Variants in CAMSAP1 observed in about 807,000 individuals in gnomAD.
CAMSAP1 encodes calmodulin-regulated spectrin-associated protein 1.
In CAMSAP1, 58 loss-of-function variants were observed where a neutral mutation model predicts 143.5. The ratio of observed to expected loss-of-function variants is 0.40; its 90% CI spans 0.33 to 0.50. CAMSAP1 has a LOEUF of 0.50. Among genes scored for constraint, CAMSAP1 ranks in the 20% least tolerant of loss-of-function variants. The probability of loss-of-function intolerance (pLI) is 0.45; values close to 1 mark genes in which losing one functional copy is unlikely to be tolerated. For synonymous variants in CAMSAP1, 945 were observed against 859.3 expected (o/e 1.10, Z -1.74); for missense variants, 1,969 against 2,115.7 (o/e 0.93, Z 1.36).
chr9:135,852,529 C>T (rs548900633), intron 5 of CAMSAP1, among the ~76,000 whole-genome samples: 2 of 152,264 alleles, frequency 1.3e-5, no homozygotes, highest in South Asian at 4.2e-4. Context: ...TGAGGTTTTA[C>T]GGCACTTTCC....
Position 135,811,042 on chromosome 9 carries a change from T to C in CAMSAP1, c.*267A>G, listed in dbSNP as rs1306755178. ...CGCTGGGAGCCTCAGTGGTCAGCAG[T>C]GGCCACAGCAGTGCGAGCCACTGCA... On this transcript the variant is annotated 3_prime_UTR_variant, in exon 17 of 17. Transcript: ENST00000389532. The surrounding 1 kb of genome is among the most constrained non-coding windows in gnomAD (Gnocchi z 4.9). The C allele has an allele frequency of 6.2e-6, 3 of 484,562 alleles. No individual in the cohort carries two copies. Among genetic ancestry groups the C allele is most frequent in the Non-Finnish European group, 1.1e-5 (3 of 269,600 alleles). 30.0% of individuals were successfully genotyped at this position (484,562 alleles called of 1,614,324 possible).
chr9:135,867,474 CCT>C (rs1491579565), intron 3 of CAMSAP1, among the ~76,000 whole-genome samples: 59 of 144,610 alleles, frequency 4.1e-4, no homozygotes, highest in Non-Finnish European at 7.7e-4. Context: ...GCAAGACCCC[CCT>C]CTTTTTTTTT....
intron 1 of CAMSAP1, among the ~76,000 whole-genome samples, chr9:135,903,795 T>G (rs1235804391): frequency 1.3e-5 from 2 of 152,204 alleles, no homozygotes; most frequent in Non-Finnish European, 2.9e-5. Context: ...AACTGAAAAC[T>G]AAGCTGGAGA....
chr9:135,821,872 A>G lies in CAMSAP1; in HGVS notation c.2789T>C (p.Leu930Pro). 1 of 1,613,980 alleles carries G rather than the reference A, an allele frequency of 6.2e-7. No individual in the cohort carries two copies. Reference sequence around the variant, plus strand: ...CTCCTTTGCAAAGTGCTCCGGCCTGAGGGGTGGGGCAGCCTCGGCCTTGCC... The same window carrying G: ...CTCCTTTGCAAAGTGCTCCGGCCTGGGGGGTGGGGCAGCCTCGGCCTTGCC... Reference protein sequence around the residue: ...KKGKAEAAPPLRPEHFAKEYS... With the variant: ...KKGKAEAAPPPRPEHFAKEYS... The change falls in exon 11 of 17, where the codon CTC becomes CCC. Residue 930 changes from leucine (L) to proline (P), a missense_variant. Transcript: ENST00000389532. This position sits in a 1 kb window ranked among gnomAD's most constrained non-coding sequence, Gnocchi z 4.6.
chr9:135,855,835 A>G (rs574183336), intron 5 of CAMSAP1, among the ~76,000 whole-genome samples: 196 of 151,652 alleles, frequency 1.3e-3, no homozygotes, highest in Non-Finnish European at 1.6e-3. Flanking sequence ...GGCGGATCAC[A>G]AGGTCAGGAG....
intron 14 of CAMSAP1, 78 bp downstream of exon 14, chr9:135,817,899 G>A (rs759913551): frequency 3.5e-5 from 38 of 1,091,538 alleles, no homozygotes; most frequent in Non-Finnish European, 5.2e-5. Context: ...CTCTCTCACC[G>A]TGTTTAATCA....
At chr9:135,846,936 T>C (rs550115347) in intron 7 of CAMSAP1, among the ~76,000 whole-genome samples, 165 of 151,462 alleles carry the variant, frequency 1.1e-3, no homozygotes, top group African/African-American at 3.9e-3. Context: ...CTGGTGGGAG[T>C]GTTAATTAGT....
chr9:135,822,267 T>C lies in CAMSAP1; in HGVS notation c.2394A>G (p.Thr798=). The C allele has an allele frequency of 6.2e-7, 1 of 1,614,000 alleles. No individual in the cohort carries two copies. Among genetic ancestry groups the C allele is most frequent in the Non-Finnish European group, 8.5e-7 (1 of 1,179,892 alleles). ...TGGAGACACTGCTCATCTGAGAGGC[T>C]GTGCTCAGGCAGGGGCTCGAGCGGC... The part of the protein sequence containing the change: ...ASGRSSPCLS[T]ASQMSSVSMA... Residue 798 remains threonine, a synonymous_variant, in exon 11 of 17, where the codon ACA becomes ACG. Coordinates refer to ENST00000389532, the MANE Select transcript of CAMSAP1 (RefSeq NM_015447.4). The surrounding 1 kb of genome is among the most constrained non-coding windows in gnomAD (Gnocchi z 6.1).
At chr9:135,840,589 G>A (rs1039004031) in intron 7 of CAMSAP1, among the ~76,000 whole-genome samples, 2 of 152,184 alleles carry the variant, frequency 1.3e-5, no homozygotes, top group African/African-American at 4.8e-5. Flanking sequence ...TGGCTGGCAA[G>A]ATCAAACAGC....
At chr9:135,816,767 T>C (rs1382632288) in intron 14 of CAMSAP1, among the ~76,000 whole-genome samples, 2 of 151,848 alleles carry the variant, frequency 1.3e-5, no homozygotes, top group Admixed American at 6.6e-5. Context: ...CATATAAAAA[T>C]AAAGGGACAC....
chr9:135,811,204 T>G lies in CAMSAP1; in HGVS notation c.*105A>C, dbSNP rs185746692. On this transcript the variant is annotated 3_prime_UTR_variant, in exon 17 of 17. Coordinates refer to ENST00000389532, the MANE Select transcript of CAMSAP1 (RefSeq NM_015447.4). The surrounding 1 kb of genome is among the most constrained non-coding windows in gnomAD (Gnocchi z 4.9). Reference sequence around the variant, plus strand: ...TGACTTTGCACACTTCGTACCCAAATAGATGAAAACAATAAATAAGGACCC... The same window carrying G: ...TGACTTTGCACACTTCGTACCCAAAGAGATGAAAACAATAAATAAGGACCC... The G allele has an allele frequency of 3.1e-5, 41 of 1,303,626 alleles. No homozygotes were observed. The highest frequency in any genetic ancestry group is 4.0e-5 in the Non-Finnish European group (38 of 957,506). The allele number at this position is 1,303,626 out of a possible 1,614,324, so 80.8% of individuals were successfully genotyped here. A position where few individuals can be genotyped will look rare whatever the true frequency, so the allele number is the denominator to read the frequency against.
chr9:135,883,145 G>T, intron 1 of CAMSAP1, 67 bp from the exon 2 acceptor site: 2 of 1,512,844 alleles, frequency 1.3e-6, no homozygotes, highest in Non-Finnish European at 1.8e-6. Context: ...GTTCAAGGCT[G>T]CAGTGAACTA....
chr9:135,870,193 C>G (rs895775241), intron 3 of CAMSAP1, among the ~76,000 whole-genome samples: 1 of 152,110 alleles, frequency 6.6e-6, no homozygotes, highest in African/African-American at 2.4e-5. Flanking sequence ...GAGGGAGGGA[C>G]GAGGTGGGAG....
chr9:135,882,915 C>A lies in CAMSAP1; in HGVS notation c.324G>T (p.Gln108His). ...TCCGGGACAGGGCCTGGATGACAGA[C>A]TGGTGTCCCTGTAAGGCGGCCACCT... ...GDQVAALQGH[Q>H]SVIQALSRKG... Residue 108 changes from glutamine (Q) to histidine (H), a missense_variant, in exon 2 of 17, where the codon CAG (glutamine) becomes CAT (histidine). By Grantham distance (24) the Gln-to-His change is conservative. Around this residue, in one of 4 missense-constraint regions of CAMSAP1, gnomAD observed 215 missense variants for 196.2 expected, o/e 1.10. Coordinates refer to ENST00000389532, the MANE Select transcript of CAMSAP1 (RefSeq NM_015447.4). The surrounding 1 kb of genome is among the most constrained non-coding windows in gnomAD (Gnocchi z 4.9). The A allele has an allele frequency of 6.4e-7, 1 of 1,551,732 alleles. No individual in the cohort carries two copies. The highest frequency in any genetic ancestry group is 8.7e-7 in the Non-Finnish European group (1 of 1,147,006).
intron 7 of CAMSAP1, among the ~76,000 whole-genome samples, chr9:135,829,887 A>ATAAATAAATAAC (rs1554790073): frequency 2.7e-5 from 4 of 149,538 alleles, no homozygotes; most frequent in African/African-American, 4.9e-5. Flanking sequence ...AAATAAATAA[A>ATAAATAAATAAC]TAACAATAAG....
rs551331274 is a variant in CAMSAP1 at position 135,886,876 on chromosome 9, A to G, written c.161-3798T>C. 3.3e-5 allele frequency among the ~76,000 whole-genome samples: 5 copies of G among 152,328 alleles called. No individual in the cohort carries two copies. In the East Asian group the frequency reaches 9.7e-4, roughly 29 times the overall value. ...CCTGTGCCTGATGCAGTACGACAAA[A>G]ACACCAAACTTATAATTCCTGCCAG... is the stretch of plus-strand genomic sequence containing the variant. On this transcript the variant is annotated intron_variant, in intron 1 of 16. Coordinates refer to ENST00000389532, the MANE Select transcript of CAMSAP1 (RefSeq NM_015447.4).
intron 3 of CAMSAP1, among the ~76,000 whole-genome samples, chr9:135,872,397 A>C (rs1420323091): frequency 6.6e-6 from 1 of 152,178 alleles, no homozygotes; most frequent in Non-Finnish European, 1.5e-5. Context: ...ACCCTAAAGC[A>C]ACCCCGACAA....
rs551319058 is a variant in CAMSAP1 at position 135,848,626 on chromosome 9, A to G, written c.1045+1511T>C. Among the ~76,000 whole-genome samples, 3 of 152,224 alleles carry G rather than the reference A, an allele frequency of 2.0e-5. No individual in the cohort carries two copies. The South Asian group carries it at 6.2e-4, about 32-fold the overall frequency. On this transcript the variant is annotated intron_variant, in intron 7 of 16. Coordinates refer to ENST00000389532, the MANE Select transcript of CAMSAP1 (RefSeq NM_015447.4). ...CCTGTCCATGTGATTCTGTGCCTTCATTATCAGGAGAATCTTCCTTGTAGC... is the reference window on the plus strand; with the variant it reads ...CCTGTCCATGTGATTCTGTGCCTTCGTTATCAGGAGAATCTTCCTTGTAGC...
intron 3 of CAMSAP1, among the ~76,000 whole-genome samples, chr9:135,871,257 C>T (rs1228540249): frequency 3.3e-5 from 5 of 152,178 alleles, no homozygotes; most frequent in South Asian, 2.1e-4. Context: ...GGCATAATCA[C>T]GGCTCATTGC....
Sources: allele counts gnomAD v4.1 joint callset (sites outside exome capture counted in the v4.1 genomes callset), GRCh38; gene constraint gnomAD v4.1.1; regional missense constraint gnomAD v4.1.1; non-coding constraint Gnocchi (gnomAD v3.1); transcripts MANE v1.5; gene names NCBI Gene and HGNC (gene_info 2026-07-23, HGNC 2026-07-21).